MAD1L1: variants seen among roughly 807,000 people sequenced by gnomAD.
MAD1L1 encodes mitotic spindle assembly checkpoint protein MAD1.
Under a neutral mutation model 96.9 loss-of-function variants are expected in MAD1L1, and 95 were observed. The ratio of observed to expected loss-of-function variants is 0.98; its 90% CI spans 0.83 to 1.16. The LOEUF is 1.16. Ranked by LOEUF, MAD1L1 falls within the 50% of genes most tolerant of loss-of-function variation. The pLI, the probability that MAD1L1 is intolerant of heterozygous loss-of-function variation, is 0.00. For synonymous variants in MAD1L1, 473 were observed against 396.6 expected (o/e 1.19, Z -2.29); for missense variants, 1,007 against 954.4 (o/e 1.06, Z -0.73).
chr7:2,019,915 G>C (rs535777078), intron 12 of MAD1L1, among the ~76,000 whole-genome samples: 1 of 151,020 alleles, frequency 6.6e-6, no homozygotes, highest in Non-Finnish European at 1.5e-5. Flanking sequence ...TTTTTTTTTT[G>C]ACAACTGACT....
chr7:1,959,662 G>A (rs1447842858), intron 15 of MAD1L1, among the ~76,000 whole-genome samples: 2 of 152,170 alleles, frequency 1.3e-5, no homozygotes, highest in African/African-American at 2.4e-5. Context: ...CTGAAATAAC[G>A]AAAGAAATAA....
At chr7:1,885,759 C>G (rs912510521) in intron 18 of MAD1L1, among the ~76,000 whole-genome samples, 1 of 152,214 alleles carries the variant, frequency 6.6e-6, no homozygotes, top group South Asian at 2.1e-4. Flanking sequence ...CTCGGCAGCC[C>G]GGCGCCCAGA....
chr7:2,103,582 A>G lies in MAD1L1; in HGVS notation c.1074-34244T>C, dbSNP rs1201560769. ...CAGCACTGGGGCAAAGCCCACCACC[A>G]GGCAGCCCTGGGAGCCCCTGCGAAG... On this transcript the variant is annotated intron_variant, in intron 11 of 18. Coordinates refer to ENST00000265854, the MANE Select transcript of MAD1L1 (RefSeq NM_001013836.2). The surrounding 1 kb of genome is among the most constrained non-coding windows in gnomAD (Gnocchi z 4.3). Among the ~76,000 whole-genome samples the G allele has an allele frequency of 2.0e-5, 3 of 152,112 alleles. No homozygotes were observed. The highest frequency in any genetic ancestry group is 4.4e-5 in the Non-Finnish European group (3 of 67,994).
chr7:1,847,248 G>A (rs1157217235), intron 18 of MAD1L1: 1 of 470,840 alleles, frequency 2.1e-6, no homozygotes, highest in African/African-American at 2.0e-5. Flanking sequence ...TTCTGTTTAG[G>A]AAGCACTGGT....
At chr7:2,115,001 A>G (rs1787590277) in intron 11 of MAD1L1, among the ~76,000 whole-genome samples, 1 of 152,236 alleles carries the variant, frequency 6.6e-6, no homozygotes, top group South Asian at 2.1e-4. Flanking sequence ...GGGCCAGTGC[A>G]GCAGAGAAGA....
At chr7:1,947,737 T>TA (rs1779295469) in intron 16 of MAD1L1, among the ~76,000 whole-genome samples, 1 of 152,206 alleles carries the variant, frequency 6.6e-6, no homozygotes, top group South Asian at 2.1e-4. Context: ...CCTGCCTCTG[T>TA]AACAAGCCCA....
intron 10 of MAD1L1, among the ~76,000 whole-genome samples, chr7:2,166,389 C>A (rs547430237): frequency 2.1e-4 from 32 of 152,310 alleles, no homozygotes; most frequent in African/African-American, 7.5e-4. Flanking sequence ...GGCTTCAAAG[C>A]AGCCTGGGTT....
intron 12 of MAD1L1, among the ~76,000 whole-genome samples, chr7:2,057,773 T>A (rs983686664): frequency 6.6e-6 from 1 of 152,178 alleles, no homozygotes; most frequent in African/African-American, 2.4e-5. Context: ...ACAAAGACTC[T>A]TAGAAAAGCA....
intron 10 of MAD1L1, among the ~76,000 whole-genome samples, chr7:2,156,698 G>C (rs570242491): frequency 2.5e-4 from 38 of 151,992 alleles, no homozygotes; most frequent in Non-Finnish European, 4.3e-4. Context: ...GCAGGTGCCT[G>C]TAATCCCACC....
intron 18 of MAD1L1, among the ~76,000 whole-genome samples, chr7:1,864,274 G>C: frequency 6.6e-6 from 1 of 152,176 alleles, no homozygotes; most frequent in East Asian, 1.9e-4. Flanking sequence ...GAGGGGAGGC[G>C]GCTGCAGGGC....
intron 13 of MAD1L1, among the ~76,000 whole-genome samples, chr7:2,002,331 G>C (rs572140773): frequency 3.6e-4 from 55 of 152,304 alleles, no homozygotes; most frequent in African/African-American, 1.2e-3. Flanking sequence ...GACAACTGAT[G>C]GAGACGAAGA....
At chr7:1,946,903 C>T (rs910821512) in intron 16 of MAD1L1, among the ~76,000 whole-genome samples, 3 of 152,214 alleles carry the variant, frequency 2.0e-5, no homozygotes, top group African/African-American at 2.4e-5. Context: ...CTCGACGGCC[C>T]GTTTCTCTCT....
intron 16 of MAD1L1, among the ~76,000 whole-genome samples, chr7:1,944,721 C>A (rs181128071): frequency 6.6e-5 from 10 of 152,210 alleles, no homozygotes; most frequent in African/African-American, 2.2e-4. Context: ...CATCACCCCC[C>A]ACCCCGTCGG....
At chr7:2,044,646 C>T (rs1783840674) in intron 12 of MAD1L1, among the ~76,000 whole-genome samples, 1 of 152,146 alleles carries the variant, frequency 6.6e-6, no homozygotes. Flanking sequence ...CCACACAAGC[C>T]TCTCCACTGC....
intron 1 of MAD1L1, among the ~76,000 whole-genome samples, 165 bp downstream of exon 1, chr7:2,232,707 G>T (rs1794271103): frequency 6.6e-6 from 1 of 152,154 alleles, no homozygotes; most frequent in Non-Finnish European, 1.5e-5. Context: ...AGGAGAGCGC[G>T]CCCATGGGAG....
chr7:2,197,332 C>T (rs1312525672), intron 10 of MAD1L1, among the ~76,000 whole-genome samples: 1 of 152,176 alleles, frequency 6.6e-6, no homozygotes, highest in Admixed American at 6.5e-5. Context: ...TGGAAAACAG[C>T]CCCTGACTTA....
At chr7:1,926,018 CAAAA>C (rs761920902) in intron 17 of MAD1L1, among the ~76,000 whole-genome samples, 1 of 141,798 alleles carries the variant, frequency 7.1e-6, no homozygotes, top group African/African-American at 2.6e-5. Context: ...GGCTAACAGA[CAAAA>C]AAAGAAAAAA....
At chr7:2,039,794 T>C (rs1783597947) in intron 12 of MAD1L1, among the ~76,000 whole-genome samples, 1 of 152,132 alleles carries the variant, frequency 6.6e-6, no homozygotes, top group African/African-American at 2.4e-5. Flanking sequence ...TTGCAAATAG[T>C]TCCTCTTTAT....
chr7:1,874,504 TC>T (rs779519275), intron 18 of MAD1L1: 14 of 454,758 alleles, frequency 3.1e-5, no homozygotes, highest in South Asian at 2.2e-4. Context: ...ATCTTGATAA[TC>T]CTATAGCTTT....
Sources: allele counts gnomAD v4.1 joint callset (sites outside exome capture counted in the v4.1 genomes callset), GRCh38; gene constraint gnomAD v4.1.1; non-coding constraint Gnocchi (gnomAD v3.1); transcripts MANE v1.5; gene names NCBI Gene and HGNC (gene_info 2026-07-23, HGNC 2026-07-21).